The following LRRC69 variants were observed in gnomAD, a reference collection of about 807,000 sequenced individuals.
LRRC69 encodes leucine-rich repeat-containing protein 69.
LRRC69 carries 42 observed loss-of-function variants against 37.8 expected under a neutral mutation model. The observed-to-expected ratio is 1.11, with a 90% CI of 0.87 to 1.44. The LOEUF (loss-of-function observed/expected upper bound fraction) is 1.44. Among genes scored for constraint, LRRC69 ranks in the 40% most tolerant of loss-of-function variants. The pLI, the probability that LRRC69 is intolerant of heterozygous loss-of-function variation, is 0.00. For missense variants in LRRC69, 357 were observed against 401.9 expected, an observed-to-expected ratio of 0.89 and a Z score of 0.96; for synonymous variants, 141 against 143.1, an observed-to-expected ratio of 0.99 and a Z score of 0.11.
chr8:91,118,405 G>T (rs1260899117), intron 1 of LRRC69: 3 of 329,088 alleles, frequency 9.1e-6, no homozygotes, highest in Admixed American at 4.6e-5. Flanking sequence ...GCCAGGCGTG[G>T]TGGCACATAC....
intron 5 of LRRC69, among the ~76,000 whole-genome samples, chr8:91,163,728 G>A (rs1383725940): frequency 1.3e-5 from 2 of 151,054 alleles, no homozygotes; most frequent in Non-Finnish European, 3.0e-5. Flanking sequence ...ATTTTATCAG[G>A]TAGTTAAAAT....
chr8:91,173,900 G>T (rs1809176694), intron 5 of LRRC69, among the ~76,000 whole-genome samples: 1 of 151,328 alleles, frequency 6.6e-6, no homozygotes, highest in Non-Finnish European at 1.5e-5. Context: ...ACGAATTTTT[G>T]GGGGACACAA....
intron 7 of LRRC69, among the ~76,000 whole-genome samples, chr8:91,215,471 T>C (rs193204517): frequency 6.6e-6 from 1 of 152,256 alleles, no homozygotes; most frequent in East Asian, 1.9e-4. Context: ...ACATAAAACT[T>C]AGCAAAGAGT....
intron 5 of LRRC69, among the ~76,000 whole-genome samples, chr8:91,159,774 T>A (rs1808903821): frequency 6.6e-6 from 1 of 151,204 alleles, no homozygotes; most frequent in African/African-American, 2.4e-5. Flanking sequence ...AATATTAACA[T>A]CTTTCTCAAA....
chr8:91,180,185 G>A lies in LRRC69; in HGVS notation c.652-9337G>A, dbSNP rs1809300295. On this transcript the variant is annotated intron_variant, in intron 5 of 7. Transcript: ENST00000448384. Reference sequence around the variant, plus strand: ...GGTTCTGAGGATTAGGAATCTGAGAGTATCTGAACTGGTTGGTTCTAGCTC... The same window carrying A: ...GGTTCTGAGGATTAGGAATCTGAGAATATCTGAACTGGTTGGTTCTAGCTC... Among the ~76,000 whole-genome samples the A allele has an allele frequency of 2.6e-5, 4 of 152,188 alleles. No individual in the cohort carries two copies. The South Asian group carries it at 6.2e-4, about 24-fold the overall frequency.
chr8:91,118,122 T>C (rs1813546134), intron 1 of LRRC69: 1 of 454,038 alleles, frequency 2.2e-6, no homozygotes, highest in African/African-American at 2.0e-5. Flanking sequence ...CCTAACAAGA[T>C]AAAAGTGCTA....
intron 5 of LRRC69, among the ~76,000 whole-genome samples, chr8:91,143,106 A>G (rs980602557): frequency 6.6e-6 from 1 of 152,084 alleles, no homozygotes; most frequent in African/African-American, 2.4e-5. Flanking sequence ...CGGTGCATAT[A>G]TGCCACGGAC....
chr8:91,131,966 C>T (rs372930166), intron 3 of LRRC69, among the ~76,000 whole-genome samples: 1 of 151,852 alleles, frequency 6.6e-6, no homozygotes, highest in South Asian at 2.1e-4. Context: ...CTTCTCTCTG[C>T]CCATTTTCTT....
intron 1 of LRRC69, among the ~76,000 whole-genome samples, chr8:91,108,572 G>A (rs991878167): frequency 1.3e-5 from 2 of 152,060 alleles, no homozygotes; most frequent in African/African-American, 4.8e-5. Flanking sequence ...AGTCAGAGAA[G>A]TCAGAGAAGG....
At chr8:91,128,638 T>C (rs1235643123) in intron 3 of LRRC69, among the ~76,000 whole-genome samples, 1 of 152,080 alleles carries the variant, frequency 6.6e-6, no homozygotes, top group Non-Finnish European at 1.5e-5. Context: ...TCGGATTGTT[T>C]TGACAGTTAA....
intron 5 of LRRC69, among the ~76,000 whole-genome samples, chr8:91,138,160 C>G (rs1808453415): frequency 6.6e-6 from 1 of 151,844 alleles, no homozygotes; most frequent in African/African-American, 2.4e-5. Context: ...GGAATAGAAA[C>G]TATTATATGT....
chr8:91,123,897 ATAAC>A (rs542275172), intron 1 of LRRC69, among the ~76,000 whole-genome samples: 65 of 152,118 alleles, frequency 4.3e-4, no homozygotes, highest in Admixed American at 1.6e-3. Flanking sequence ...TGTAGGACAG[ATAAC>A]TGTAGGGTAG....
At chr8:91,139,647 G>A (rs1342789176) in intron 5 of LRRC69, among the ~76,000 whole-genome samples, 1 of 151,696 alleles carries the variant, frequency 6.6e-6, no homozygotes, top group Non-Finnish European at 1.5e-5. Context: ...GACAGAGTAA[G>A]ACTCCGTCTC....
chr8:91,214,701 C>T (rs553081623), intron 7 of LRRC69, among the ~76,000 whole-genome samples: 1 of 152,258 alleles, frequency 6.6e-6, no homozygotes, highest in South Asian at 2.1e-4. Context: ...GGGAGGGCTG[C>T]CATTGTTATG....
chr8:91,197,051 C>T (rs2130622520), intron 6 of LRRC69, among the ~76,000 whole-genome samples: 1 of 151,790 alleles, frequency 6.6e-6, no homozygotes, highest in Admixed American at 6.6e-5. Context: ...TGTTAGTTTT[C>T]CTTCTAACAG....
chr8:91,201,476 T>C (rs1809709890), intron 7 of LRRC69, among the ~76,000 whole-genome samples: 1 of 152,086 alleles, frequency 6.6e-6, no homozygotes, highest in Non-Finnish European at 1.5e-5. Context: ...TTAAATTTCA[T>C]ATAATGTTAA....
intron 5 of LRRC69, among the ~76,000 whole-genome samples, chr8:91,174,473 A>G (rs1472043965): frequency 2.0e-5 from 3 of 152,208 alleles, no homozygotes; most frequent in South Asian, 2.1e-4. Context: ...ATAAGCTTCA[A>G]CTGACATTCT....
In LRRC69 at chr8:91,192,071, C is replaced by G. The variant is rs1021151802; in HGVS notation, c.753+2448C>G. 2.7e-5 allele frequency among the ~76,000 whole-genome samples: 4 copies of G among 147,408 alleles called. No homozygotes were observed. The Admixed American group carries it at 2.8e-4, about 10-fold the overall frequency. ...CCATGTGATCTCATTGTTCAATTCCCACCTATGAGTGAGAATATGCGGTGT... is the reference window on the plus strand; with the variant it reads ...CCATGTGATCTCATTGTTCAATTCCGACCTATGAGTGAGAATATGCGGTGT... On this transcript the variant is annotated intron_variant, in intron 6 of 7. Coordinates refer to ENST00000448384, the Ensembl canonical transcript of LRRC69.
In LRRC69 at chr8:91,104,017, A is replaced by G. The variant is rs1477376376; in HGVS notation, c.183+1173A>G. ...CCCCTCATCCTCAATCCCGATCTCCATATATAACCACTTTTAACTCATCTA... is the reference window on the plus strand; with the variant it reads ...CCCCTCATCCTCAATCCCGATCTCCGTATATAACCACTTTTAACTCATCTA... On this transcript the variant is annotated intron_variant, in intron 1 of 7. Coordinates refer to ENST00000448384, the Ensembl canonical transcript of LRRC69. 4.6e-5 allele frequency among the ~76,000 whole-genome samples: 7 copies of G among 152,056 alleles called. No individual in the cohort carries two copies. The East Asian group carries it at 1.2e-3, about 25-fold the overall frequency.
Sources: gnomAD v4.1 joint callset for allele counts (sites outside exome capture counted in the v4.1 genomes callset) on GRCh38, gnomAD v4.1.1 for gene constraint, MANE v1.5 for transcripts, NCBI Gene and HGNC (gene_info 2026-07-23, HGNC 2026-07-21) for gene names.